LIN9: variants seen among roughly 807,000 people sequenced by gnomAD.
LIN9 encodes lin-9 DREAM MuvB core complex component.
In LIN9, 18 loss-of-function variants were observed where a neutral mutation model predicts 78.0. That is an observed-to-expected ratio of 0.23 (90% CI 0.16 to 0.34). The LOEUF is 0.34. Ranked by LOEUF, LIN9 falls within the 10% of genes least tolerant of loss-of-function variation. The pLI, the probability that LIN9 is intolerant of heterozygous loss-of-function variation, is 1.00. For missense variants in LIN9, 451 were observed against 644.1 expected (o/e 0.70, Z 3.25); for synonymous variants, 192 against 215.2 (o/e 0.89, Z 0.94).
At chr1:226,304,829 T>A (rs1239963262) in intron 1 of LIN9, among the ~76,000 whole-genome samples, 2 of 152,090 alleles carry the variant, frequency 1.3e-5, no homozygotes, top group African/African-American at 4.8e-5. Flanking sequence ...TACTAACCAA[T>A]CACATAAACA....
chr1:226,250,724 A>T, intron 11 of LIN9, 115 bp downstream of exon 11: 2 of 615,428 alleles, frequency 3.2e-6, no homozygotes, highest in Non-Finnish European at 5.7e-6. Flanking sequence ...GGATTTAAAA[A>T]TAATATTTAT....
chr1:226,258,053 T>C (rs192455316), intron 10 of LIN9, among the ~76,000 whole-genome samples: 285 of 152,062 alleles, frequency 1.9e-3, no homozygotes, highest in Admixed American at 2.9e-3. Context: ...GTGTGGTGTC[T>C]TGTGCCTGTA....
At chr1:226,280,359 T>C (rs1660966879) in intron 6 of LIN9, among the ~76,000 whole-genome samples, 1 of 152,216 alleles carries the variant, frequency 6.6e-6, no homozygotes, top group South Asian at 2.1e-4. Context: ...GCTTAGCTGA[T>C]AATAATGATT....
chr1:226,290,367 G>C (rs1661680554), intron 4 of LIN9, among the ~76,000 whole-genome samples: 1 of 147,562 alleles, frequency 6.8e-6, no homozygotes, highest in African/African-American at 2.5e-5. Context: ...TTGAGATGGA[G>C]TCTCGCTCTG....
intron 12 of LIN9, among the ~76,000 whole-genome samples, chr1:226,235,786 A>G (rs1657664615): frequency 6.6e-6 from 1 of 152,150 alleles, no homozygotes; most frequent in South Asian, 2.1e-4. Flanking sequence ...TTTGTTGGGG[A>G]AACAAACACT....
intron 1 of LIN9, among the ~76,000 whole-genome samples, chr1:226,306,956 A>G (rs1204763679): frequency 6.6e-6 from 1 of 152,232 alleles, no homozygotes; most frequent in Non-Finnish European, 1.5e-5. Flanking sequence ...TACCTAAACA[A>G]GACATACGCT....
At chr1:226,282,464 A>G (rs2102958686) in intron 6 of LIN9, among the ~76,000 whole-genome samples, 1 of 152,306 alleles carries the variant, frequency 6.6e-6, no homozygotes, top group African/African-American at 2.4e-5. Context: ...ATGAGTGACT[A>G]ACCATGCCAT....
Position 226,250,538 on chromosome 1 carries a change from T to C in LIN9, c.1119+301A>G, listed in dbSNP as rs567469857. Among the ~76,000 whole-genome samples the C allele has an allele frequency of 2.0e-5, 3 of 152,334 alleles. No homozygotes were observed. In the South Asian group the frequency reaches 6.2e-4, roughly 32 times the overall value. ...ATAGCAATGAAGATTTACTGTTGTA[T>C]GTATGTATGTATTCCTGTATTCATT... is the stretch of plus-strand genomic sequence containing the variant. On this transcript the variant is annotated intron_variant, in intron 11 of 14. Transcript: ENST00000681046.
At chr1:226,235,527 T>C (rs531186414) in intron 12 of LIN9, among the ~76,000 whole-genome samples, 1 of 152,230 alleles carries the variant, frequency 6.6e-6, no homozygotes, top group African/African-American at 2.4e-5. Flanking sequence ...TTTAGAATAT[T>C]TGCATTATAC....
At chr1:226,297,575 T>C (rs1662234280) in intron 3 of LIN9, 144 bp downstream of exon 3, 8 of 443,778 alleles carry the variant, frequency 1.8e-5, no homozygotes, top group Non-Finnish European at 3.2e-5. Context: ...TTTACCTAAA[T>C]AAGATCAAAC....
chr1:226,308,963 C>G (rs1663099781), intron 1 of LIN9, 146 bp downstream of exon 1: 1 of 735,420 alleles, frequency 1.4e-6, no homozygotes, highest in Admixed American at 4.4e-5. Flanking sequence ...GGCGGCAACA[C>G]CGGAGTGGGA....
intron 7 of LIN9, among the ~76,000 whole-genome samples, chr1:226,275,134 T>C (rs1660556966): frequency 6.6e-6 from 1 of 152,220 alleles, no homozygotes; most frequent in African/African-American, 2.4e-5. Context: ...CTTGCTTTTA[T>C]ATTTTGTAGG....
At chr1:226,256,704 GC>G (rs1449063454) in intron 10 of LIN9, among the ~76,000 whole-genome samples, 6 of 151,146 alleles carry the variant, frequency 4.0e-5, no homozygotes, top group Non-Finnish European at 5.9e-5. Context: ...GACTACAGGC[GC>G]CCACCACCAT....
chr1:226,267,933 A>C, intron 8 of LIN9, 24 bp downstream of exon 8: 1 of 1,601,450 alleles, frequency 6.2e-7, no homozygotes, highest in Non-Finnish European at 8.5e-7. Context: ...ATAAAACACA[A>C]ATGTATTATG....
intron 10 of LIN9, among the ~76,000 whole-genome samples, chr1:226,251,360 TG>T (rs1658825675): frequency 6.6e-6 from 1 of 151,984 alleles, no homozygotes; most frequent in Admixed American, 6.6e-5. Flanking sequence ...CCCGAGTAGC[TG>T]GGATTACAGG....
rs1177905734 is a variant in LIN9 at position 226,232,123 on chromosome 1, C to T, written c.*378G>A. 2 of 398,726 alleles carry T rather than the reference C, an allele frequency of 5.0e-6. No individual in the cohort carries two copies. The highest frequency in any genetic ancestry group is 8.8e-6 in the Non-Finnish European group (2 of 226,078). The allele number at this position is 398,726 out of a possible 1,614,324, so 24.7% of individuals were successfully genotyped here. A position where few individuals can be genotyped will look rare whatever the true frequency, so the allele number is the denominator to read the frequency against. Reference sequence around the variant, plus strand: ...ACTGCCACCGACATGAATAAAAAGACCAGGTTTCTTCATACTCTCCATTGC... The same window carrying T: ...ACTGCCACCGACATGAATAAAAAGATCAGGTTTCTTCATACTCTCCATTGC... On this transcript the variant is annotated 3_prime_UTR_variant, in exon 15 of 15. Transcript: ENST00000681046.
chr1:226,276,127 A>G (rs997343367), intron 7 of LIN9, among the ~76,000 whole-genome samples: 1 of 152,244 alleles, frequency 6.6e-6, no homozygotes, highest in Admixed American at 6.5e-5. Context: ...CCACTGTAAC[A>G]AGAGTACTTA....
chr1:226,289,929 C>CA (rs1460259227), intron 4 of LIN9, among the ~76,000 whole-genome samples: 2 of 138,316 alleles, frequency 1.4e-5, no homozygotes, highest in Non-Finnish European at 3.0e-5. Flanking sequence ...AGGTTCAAAC[C>CA]AAAAAAATGA....
At chr1:226,293,758 A>G (rs1358178086) in intron 4 of LIN9, among the ~76,000 whole-genome samples, 3 of 152,136 alleles carry the variant, frequency 2.0e-5, no homozygotes, top group Non-Finnish European at 4.4e-5. Flanking sequence ...GCATTTTGCC[A>G]TGTTGGCCAG....
Sources: allele counts gnomAD v4.1 joint callset (sites outside exome capture counted in the v4.1 genomes callset), GRCh38; gene constraint gnomAD v4.1.1; transcripts MANE v1.5; gene names NCBI Gene and HGNC (gene_info 2026-07-23, HGNC 2026-07-21).